The following GULP1 variants were observed in gnomAD, a reference collection of about 807,000 sequenced individuals.
GULP1 encodes GULP PTB domain containing engulfment adaptor 1, also known as PTB domain-containing engulfment adapter protein 1.
Under a neutral mutation model 40.9 loss-of-function variants are expected in GULP1, and 19 were observed. The observed-to-expected ratio is 0.46, with a 90% CI of 0.32 to 0.68. The LOEUF (loss-of-function observed/expected upper bound fraction) is 0.68. GULP1 is among the 30% of genes least tolerant of loss of function. GULP1 has a pLI of 0.03. For synonymous variants in GULP1, 119 were observed against 117.6 expected, an observed-to-expected ratio of 1.01 and a Z score of -0.08; for missense variants, 312 against 362.2, an observed-to-expected ratio of 0.86 and a Z score of 1.12.
intron 2 of GULP1, among the ~76,000 whole-genome samples, chr2:188,440,430 G>T (rs1461481781): frequency 2.6e-5 from 4 of 152,092 alleles, no homozygotes; most frequent in Non-Finnish European, 5.9e-5. Context: ...TTCGGAAAGG[G>T]TCACACTCAT....
intron 5 of GULP1, among the ~76,000 whole-genome samples, chr2:188,523,645 A>C (rs865914968): frequency 2.0e-5 from 3 of 152,054 alleles, no homozygotes; most frequent in African/African-American, 7.2e-5. Flanking sequence ...TATTTGGTTT[A>C]GGGACCATCC....
chr2:188,495,778 GT>G (rs770571704), intron 4 of GULP1, among the ~76,000 whole-genome samples: 1 of 151,494 alleles, frequency 6.6e-6, no homozygotes, highest in Non-Finnish European at 1.5e-5. Context: ...TTAAATGTTA[GT>G]TATTCTCTTT....
chr2:188,330,445 G>T (rs1484129889), intron 1 of GULP1, among the ~76,000 whole-genome samples: 3 of 152,098 alleles, frequency 2.0e-5, no homozygotes, highest in African/African-American at 7.2e-5. Context: ...CTGCCAAACA[G>T]AATTAAATTA....
At chr2:188,392,305 T>G (rs1429054249) in intron 2 of GULP1, among the ~76,000 whole-genome samples, 2 of 131,582 alleles carry the variant, frequency 1.5e-5, no homozygotes, top group Non-Finnish European at 1.8e-5. Flanking sequence ...TTCAGGGTTT[T>G]TATTTCTTCT....
intron 1 of GULP1, among the ~76,000 whole-genome samples, chr2:188,356,708 A>C (rs1192669753): frequency 6.6e-6 from 1 of 152,132 alleles, no homozygotes; most frequent in Non-Finnish European, 1.5e-5. Flanking sequence ...TTACAAAACT[A>C]CCAAAGACCC....
chr2:188,447,837 T>G (rs769892071), intron 2 of GULP1, among the ~76,000 whole-genome samples: 1 of 152,208 alleles, frequency 6.6e-6, no homozygotes, highest in Admixed American at 6.5e-5. Context: ...TATTCCATAC[T>G]CACAACCTGC....
intron 2 of GULP1, among the ~76,000 whole-genome samples, chr2:188,440,588 A>G (rs2057827865): frequency 6.6e-6 from 1 of 152,214 alleles, no homozygotes; most frequent in African/African-American, 2.4e-5. Context: ...TTTTTGAGAC[A>G]GAGTCTTGCT....
intron 3 of GULP1, 92 bp from the exon 4 acceptor site, chr2:188,483,339 T>C: frequency 3.6e-6 from 2 of 560,810 alleles, no homozygotes; most frequent in Non-Finnish European, 6.6e-6. Flanking sequence ...GAATTAGAAA[T>C]ACTCTGTGTC....
intron 4 of GULP1, among the ~76,000 whole-genome samples, chr2:188,509,750 A>G (rs1260876196): frequency 2.6e-5 from 4 of 152,116 alleles, no homozygotes; most frequent in Non-Finnish European, 2.9e-5. Context: ...CAATAATTGT[A>G]TATTTGAAAA....
In GULP1 at chr2:188,508,178, A is replaced by G. The variant is rs2064127468; in HGVS notation, c.91-14578A>G. Reference sequence around the variant, plus strand: ...GGAAAATCAAATAGAATCAGCATACAGTAGGGTTCGAACAAAACCCATTAA... The same window carrying G: ...GGAAAATCAAATAGAATCAGCATACGGTAGGGTTCGAACAAAACCCATTAA... On this transcript the variant is annotated intron_variant, in intron 4 of 11. Transcript: ENST00000409830. Among the ~76,000 whole-genome samples, 3 of 152,020 alleles carry G rather than the reference A, an allele frequency of 2.0e-5. No homozygotes were observed. The South Asian group carries it at 6.2e-4, about 31-fold the overall frequency.
intron 1 of GULP1, among the ~76,000 whole-genome samples, chr2:188,310,620 C>T (rs1201891639): frequency 6.6e-6 from 1 of 152,012 alleles, no homozygotes; most frequent in African/African-American, 2.4e-5. Flanking sequence ...GGGAGAGGTG[C>T]TCTATAGTGA....
rs560163998 is a variant in GULP1, at chr2:188,522,290, A to G, written c.91-466A>G. Among the ~76,000 whole-genome samples, 6 of 152,288 alleles carry G rather than the reference A, an allele frequency of 3.9e-5. No individual in the cohort carries two copies. In the South Asian group the frequency reaches 6.2e-4, roughly 16 times the overall value. ...AGCTAATGGCGAAATCTTTGGCATC[A>G]GCAGGCAGAGGCAAGTGGGGAGAGA... On this transcript the variant is annotated intron_variant, in intron 4 of 11. Transcript: ENST00000409830.
At chr2:188,317,042 A>G (rs1435538926) in intron 1 of GULP1, among the ~76,000 whole-genome samples, 1 of 152,152 alleles carries the variant, frequency 6.6e-6, no homozygotes, top group Non-Finnish European at 1.5e-5. Context: ...ACCTGCACTT[A>G]ACCCTTCCTC....
intron 1 of GULP1, among the ~76,000 whole-genome samples, chr2:188,363,964 T>C (rs145529820): frequency 1.2e-4 from 18 of 152,314 alleles, no homozygotes; most frequent in Admixed American, 4.6e-4. Context: ...ATTAAACTTA[T>C]CAGATCTAAC....
At chr2:188,374,518 A>G (rs2048040419) in intron 1 of GULP1, among the ~76,000 whole-genome samples, 1 of 152,150 alleles carries the variant, frequency 6.6e-6, no homozygotes, top group South Asian at 2.1e-4. Flanking sequence ...TTAAGGCAAG[A>G]AACATGAGGT....
chr2:188,575,892 A>T (rs939768343), intron 9 of GULP1, among the ~76,000 whole-genome samples: 15 of 152,150 alleles, frequency 9.9e-5, no homozygotes, highest in Non-Finnish European at 4.4e-5. Context: ...GTCTAGGAGA[A>T]GGGTAAATTG....
At chr2:188,399,494 G>A (rs2051792409) in intron 2 of GULP1, among the ~76,000 whole-genome samples, 1 of 151,794 alleles carries the variant, frequency 6.6e-6, no homozygotes, top group Non-Finnish European at 1.5e-5. Flanking sequence ...AAGACGGAGG[G>A]CGAATATGGG....
At chr2:188,375,023 A>G (rs1251729599) in intron 1 of GULP1, among the ~76,000 whole-genome samples, 1 of 152,204 alleles carries the variant, frequency 6.6e-6, no homozygotes, top group African/African-American at 2.4e-5. Flanking sequence ...ATTGCTGAAG[A>G]AGGGCCTTCA....
At chr2:188,378,392 T>C (rs537819888) in intron 1 of GULP1, among the ~76,000 whole-genome samples, 1 of 152,188 alleles carries the variant, frequency 6.6e-6, no homozygotes, top group Non-Finnish European at 1.5e-5. Flanking sequence ...TTTAATGATA[T>C]AAGAATATGA....
Sources: allele counts gnomAD v4.1 joint callset (sites outside exome capture counted in the v4.1 genomes callset), GRCh38; gene constraint gnomAD v4.1.1; transcripts MANE v1.5; gene names NCBI Gene and HGNC (gene_info 2026-07-23, HGNC 2026-07-21).